Variants in NCAM2 observed in about 807,000 individuals in gnomAD.
NCAM2 encodes neural cell adhesion molecule 2, also known as N-CAM-2.
Under a neutral mutation model 98.1 loss-of-function variants are expected in NCAM2, and 30 were observed. That is an observed-to-expected ratio of 0.31 (90% CI 0.23 to 0.41). The LOEUF is 0.41. Among genes scored for constraint, NCAM2 ranks in the 10% least tolerant of loss-of-function variants. NCAM2 has a pLI of 1.00. For missense variants in NCAM2, 867 were observed against 1,005.8 expected, an observed-to-expected ratio of 0.86 and a Z score of 1.87; for synonymous variants, 368 against 342.4, an observed-to-expected ratio of 1.07 and a Z score of -0.83.
At chr21:21,473,785 C>T (rs1984789870) in intron 14 of NCAM2, among the ~76,000 whole-genome samples, 1 of 151,686 alleles carries the variant, frequency 6.6e-6, no homozygotes, top group African/African-American at 2.4e-5. Context: ...TACACCTTGC[C>T]TCTAATCACT....
At chr21:21,110,455 T>C (rs1468148175) in intron 1 of NCAM2, among the ~76,000 whole-genome samples, 1 of 151,876 alleles carries the variant, frequency 6.6e-6, no homozygotes, top group Middle Eastern at 3.2e-3. Context: ...TCTGACTTTC[T>C]AGGTAAGGAC....
intron 5 of NCAM2, among the ~76,000 whole-genome samples, chr21:21,317,975 T>C (rs755170252): frequency 3.9e-5 from 6 of 152,220 alleles, no homozygotes; most frequent in Admixed American, 6.5e-5. Flanking sequence ...TTTCCTGATA[T>C]ATTTTAGAAC....
At chr21:21,459,449 A>G (rs1036901188) in intron 12 of NCAM2, among the ~76,000 whole-genome samples, 20 of 148,478 alleles carry the variant, frequency 1.3e-4, no homozygotes, top group African/African-American at 4.7e-4. Context: ...CCATATTTAT[A>G]ATATATATAA....
intron 1 of NCAM2, among the ~76,000 whole-genome samples, chr21:21,130,202 T>G (rs1178970544): frequency 6.6e-6 from 1 of 152,190 alleles, no homozygotes; most frequent in African/African-American, 2.4e-5. Flanking sequence ...GTTACAATTT[T>G]ATGCACTGTG....
chr21:21,335,708 GA>G, intron 7 of NCAM2, 43 bp downstream of exon 7: 1 of 1,413,126 alleles, frequency 7.1e-7, no homozygotes, highest in Non-Finnish European at 9.4e-7. Context: ...ATGTCTATTG[GA>G]AGATCAGAGT....
intron 1 of NCAM2, among the ~76,000 whole-genome samples, chr21:21,071,575 G>T (rs192453194): frequency 1.4e-3 from 210 of 152,264 alleles, no homozygotes; most frequent in Middle Eastern, 0.01. Flanking sequence ...AAAGGTTTAT[G>T]CAGCTATAGC....
chr21:21,148,283 T>A (rs2146690252), intron 1 of NCAM2, among the ~76,000 whole-genome samples: 1 of 152,312 alleles, frequency 6.6e-6, no homozygotes, highest in Non-Finnish European at 1.5e-5. Flanking sequence ...TGTACTTAAT[T>A]ATTTTGACCT....
At chr21:21,319,228 T>A (rs1470632262) in intron 5 of NCAM2, among the ~76,000 whole-genome samples, 1 of 152,066 alleles carries the variant, frequency 6.6e-6, no homozygotes, top group Non-Finnish European at 1.5e-5. Context: ...AAAATAGCAA[T>A]AAAATTAACA....
rs571336676 is a variant in NCAM2 at position 21,130,432 on chromosome 21, A to T, written c.55+131814A>T. On this transcript the variant is annotated intron_variant, in intron 1 of 17. Transcript: ENST00000400546. ...TCCTCAAAGATGTTGAATAATATAT[A>T]ATGGTACGTGCATCAATCTCCCAAA... is the stretch of plus-strand genomic sequence containing the variant. Among the ~76,000 whole-genome samples the T allele has an allele frequency of 5.3e-5, 8 of 152,246 alleles. No homozygotes were observed. The East Asian group carries it at 1.5e-3, about 29-fold the overall frequency.
At chr21:21,114,626 G>A (rs1051398776) in intron 1 of NCAM2, among the ~76,000 whole-genome samples, 2 of 152,098 alleles carry the variant, frequency 1.3e-5, no homozygotes, top group African/African-American at 2.4e-5. Flanking sequence ...GATGCCAATG[G>A]TACTACAAAA....
chr21:21,358,283 A>G (rs1394691959), intron 8 of NCAM2, among the ~76,000 whole-genome samples: 1 of 152,114 alleles, frequency 6.6e-6, no homozygotes, highest in Non-Finnish European at 1.5e-5. Context: ...AAGGAGCTGT[A>G]TACAAGTAAA....
intron 9 of NCAM2, among the ~76,000 whole-genome samples, chr21:21,376,537 G>T (rs1489952698): frequency 1.3e-5 from 2 of 151,770 alleles, no homozygotes; most frequent in Non-Finnish European, 2.9e-5. Context: ...ATAATTACAT[G>T]AGATTTTTAG....
In NCAM2 at chr21:21,072,761, T is replaced by C. The variant is rs566543404; in HGVS notation, c.55+74143T>C. Reference sequence around the variant, plus strand: ...TAGTATTCTGACTTCTATTTAATTTTAATAAATATATATTTACAATTTTTT... The same window carrying C: ...TAGTATTCTGACTTCTATTTAATTTCAATAAATATATATTTACAATTTTTT... On this transcript the variant is annotated intron_variant, in intron 1 of 17. Coordinates refer to ENST00000400546, the MANE Select transcript of NCAM2 (RefSeq NM_004540.5). 3.3e-5 allele frequency among the ~76,000 whole-genome samples: 5 copies of C among 152,260 alleles called. No individual in the cohort carries two copies. In the South Asian group the frequency reaches 8.3e-4, roughly 25 times the overall value.
chr21:21,472,294 C>T (rs1460094), intron 14 of NCAM2, among the ~76,000 whole-genome samples: 5,473 of 151,844 alleles, frequency 0.036, 314 homozygotes, highest in African/African-American at 0.13. Context: ...TTGGAGTCCA[C>T]GAGGTTGTAC....
At chr21:21,120,079 T>C (rs905406316) in intron 1 of NCAM2, among the ~76,000 whole-genome samples, 3 of 152,352 alleles carry the variant, frequency 2.0e-5, no homozygotes, top group African/African-American at 7.2e-5. Context: ...TGCTTTAATC[T>C]GCTGCTTATT....
intron 9 of NCAM2, among the ~76,000 whole-genome samples, chr21:21,405,260 T>C (rs1441857328): frequency 6.6e-6 from 1 of 151,964 alleles, no homozygotes; most frequent in Non-Finnish European, 1.5e-5. Context: ...ATGAAAAAAA[T>C]GTGAAAAAAG....
chr21:21,410,390 A>T lies in NCAM2; in HGVS notation c.1312A>T (p.Lys438Ter). The change falls in exon 10 of 18, where the codon AAA (lysine) becomes TAA (stop). Residue 438 changes from lysine to a stop codon, truncating the protein, a stop_gained. Coordinates refer to ENST00000400546, the MANE Select transcript of NCAM2 (RefSeq NM_004540.5). LOFTEE classifies it high-confidence loss of function. ...PPASIHWRRD[K>*]LVLPAKNTTN... ...AGCATCAATTCACTGGAGAAGAGAT[A>T]AATTAGTCTTACCTGCTAAAAACAC... 1.2e-6 allele frequency: 2 copies of T among 1,602,074 alleles called. No individual in the cohort carries two copies. Among genetic ancestry groups the T allele is most frequent in the Non-Finnish European group, 1.7e-6 (2 of 1,173,216 alleles).
intron 1 of NCAM2, among the ~76,000 whole-genome samples, chr21:21,199,173 A>G (rs1213145662): frequency 2.6e-5 from 4 of 152,186 alleles, no homozygotes; most frequent in Non-Finnish European, 4.4e-5. Flanking sequence ...AACATCTAAT[A>G]TCTCCAGGAT....
At chr21:21,058,873 A>G (rs1466630793) in intron 1 of NCAM2, among the ~76,000 whole-genome samples, 1 of 152,014 alleles carries the variant, frequency 6.6e-6, no homozygotes, top group Non-Finnish European at 1.5e-5. Context: ...AAATACCTCC[A>G]TGTGAATTTC....
Sources: allele counts gnomAD v4.1 joint callset (sites outside exome capture counted in the v4.1 genomes callset), GRCh38; gene constraint gnomAD v4.1.1; transcripts MANE v1.5; gene names NCBI Gene and HGNC (gene_info 2026-07-23, HGNC 2026-07-21).